The following TENM4 variants were observed in gnomAD, a reference collection of about 807,000 sequenced individuals.
TENM4 encodes the protein teneurin-4.
Under a neutral mutation model 243.3 loss-of-function variants are expected in TENM4, and 82 were observed. That is an observed-to-expected ratio of 0.34 (90% CI 0.28 to 0.40). The LOEUF is 0.40. Among genes scored for constraint, TENM4 ranks in the 10% least tolerant of loss-of-function variants. The probability of loss-of-function intolerance (pLI) is 1.00; values close to 1 mark genes in which losing one functional copy is unlikely to be tolerated. For missense variants in TENM4, 3,138 were observed against 3,673.3 expected (o/e 0.85, Z 3.77); for synonymous variants, 1,412 against 1,456.3 (o/e 0.97, Z 0.69).
rs1857273795 is a variant in TENM4, at chr11:79,343,375, T to C, written c.-320-45832A>G. On this transcript the variant is annotated intron_variant, in intron 1 of 33. Coordinates refer to ENST00000278550, the MANE Select transcript of TENM4 (RefSeq NM_001098816.3). ...GGCCTACGGTTTCACAAATGGAAAA[T>C]GTTAGAGCTGGGTCACACACAGAGG... is the stretch of plus-strand genomic sequence containing the variant. Among the ~76,000 whole-genome samples the C allele has an allele frequency of 2.0e-5, 3 of 152,270 alleles. No individual in the cohort carries two copies. In the South Asian group the frequency reaches 6.2e-4, roughly 32 times the overall value.
intron 14 of TENM4, among the ~76,000 whole-genome samples, chr11:78,809,058 C>G (rs964993927): frequency 6.6e-6 from 1 of 152,156 alleles, no homozygotes; most frequent in Non-Finnish European, 1.5e-5. Flanking sequence ...TCCCAGGGCA[C>G]CCTTGAGGTC....
chr11:79,366,059 T>A (rs1040359029), intron 1 of TENM4, among the ~76,000 whole-genome samples: 2 of 152,212 alleles, frequency 1.3e-5, no homozygotes, highest in African/African-American at 4.8e-5. Flanking sequence ...TCATGCTAGA[T>A]CCTTTAAATT....
At chr11:78,848,378 G>A (rs1858452800) in intron 12 of TENM4, among the ~76,000 whole-genome samples, 1 of 152,052 alleles carries the variant, frequency 6.6e-6, no homozygotes, top group Admixed American at 6.6e-5. Context: ...GCCCTTTAAG[G>A]CATCCTGGGC....
At chr11:78,864,524 A>T (rs1370699807) in intron 9 of TENM4, among the ~76,000 whole-genome samples, 1 of 151,816 alleles carries the variant, frequency 6.6e-6, no homozygotes, top group Non-Finnish European at 1.5e-5. Flanking sequence ...GAAAGAGACC[A>T]TAAGGCGCAA....
At chr11:79,267,416 GC>G (rs1179425894) in intron 2 of TENM4, among the ~76,000 whole-genome samples, 3 of 152,134 alleles carry the variant, frequency 2.0e-5, no homozygotes, top group African/African-American at 7.2e-5. Flanking sequence ...TCACTGTTCA[GC>G]CCATAGTTCT....
chr11:79,415,504 C>T (rs1858793978), intron 1 of TENM4, among the ~76,000 whole-genome samples: 1 of 152,152 alleles, frequency 6.6e-6, no homozygotes, highest in African/African-American at 2.4e-5. Context: ...CCTTCAAAGG[C>T]CCCAGGAATG....
chr11:78,911,840 C>T (rs1856192400), intron 6 of TENM4, among the ~76,000 whole-genome samples: 1 of 152,210 alleles, frequency 6.6e-6, no homozygotes, highest in Non-Finnish European at 1.5e-5. Context: ...AGAAATTACC[C>T]AGTCTGCTAG....
chr11:79,031,221 C>G (rs894131526), intron 6 of TENM4, among the ~76,000 whole-genome samples: 1 of 152,154 alleles, frequency 6.6e-6, no homozygotes, highest in East Asian at 1.9e-4. Flanking sequence ...TAGAGGAGCT[C>G]AGCAAAGGCT....
intron 9 of TENM4, among the ~76,000 whole-genome samples, chr11:78,883,689 C>T (rs902598541): frequency 2.0e-5 from 3 of 152,236 alleles, no homozygotes; most frequent in Non-Finnish European, 2.9e-5. Context: ...GCAGTGTCTG[C>T]GTTTTACATA....
intron 1 of TENM4, among the ~76,000 whole-genome samples, chr11:79,386,135 T>C (rs1295234158): frequency 6.6e-6 from 1 of 152,226 alleles, no homozygotes; most frequent in Non-Finnish European, 1.5e-5. Context: ...ACCTGATCTA[T>C]GGCAAAGGTG....
chr11:78,891,762 G>A (rs943220735), intron 7 of TENM4, among the ~76,000 whole-genome samples: 2 of 152,150 alleles, frequency 1.3e-5, no homozygotes, highest in Admixed American at 6.5e-5. Context: ...TTCAAAGCAG[G>A]AATTAGAGCT....
rs1028293278 is a variant in TENM4 at position 78,779,332 on chromosome 11, A to G, written c.2366-704T>C. ...GTGCAGGTCAATGGATGTCACTGTG[A>G]AAAACAAGACAAAGCAAAGAAAATC... On this transcript the variant is annotated intron_variant, in intron 16 of 33. Coordinates refer to ENST00000278550, the MANE Select transcript of TENM4 (RefSeq NM_001098816.3). Among the ~76,000 whole-genome samples, 5 of 152,352 alleles carry G rather than the reference A, an allele frequency of 3.3e-5. No homozygotes were observed. In the Middle Eastern group the frequency reaches 0.014, roughly 415 times the overall value.
intron 32 of TENM4, among the ~76,000 whole-genome samples, chr11:78,663,464 G>A (rs1436175547): frequency 1.3e-5 from 2 of 152,120 alleles, no homozygotes; most frequent in African/African-American, 2.4e-5. Flanking sequence ...GTGACCTCCC[G>A]AGGTAATGAG....
intron 1 of TENM4, among the ~76,000 whole-genome samples, chr11:79,412,512 C>A (rs1858722425): frequency 6.6e-6 from 1 of 152,220 alleles, no homozygotes; most frequent in Non-Finnish European, 1.5e-5. Context: ...CTCCAACTTA[C>A]TACCCATGTG....
chr11:78,819,291 G>A (rs1164026025), intron 12 of TENM4, among the ~76,000 whole-genome samples: 2 of 152,236 alleles, frequency 1.3e-5, no homozygotes, highest in African/African-American at 4.8e-5. Flanking sequence ...CAAGGTGAAA[G>A]ATGATCACAG....
At chr11:79,054,408 C>A (rs1417068355) in intron 6 of TENM4, among the ~76,000 whole-genome samples, 2 of 152,068 alleles carry the variant, frequency 1.3e-5, no homozygotes, top group African/African-American at 4.8e-5. Context: ...TTGACCAAGA[C>A]TTTTACATCA....
chr11:79,402,658 A>G (rs1055299717), intron 1 of TENM4, among the ~76,000 whole-genome samples: 25 of 151,798 alleles, frequency 1.6e-4, no homozygotes, highest in African/African-American at 5.3e-4. Context: ...CTCTTCCCCA[A>G]TTTTACTACA....
At chr11:79,358,925 C>G (rs1335218439) in intron 1 of TENM4, among the ~76,000 whole-genome samples, 1 of 149,528 alleles carries the variant, frequency 6.7e-6, no homozygotes, top group Non-Finnish European at 1.5e-5. Flanking sequence ...TATATTTTTG[C>G]AAACTTTTTT....
intron 2 of TENM4, among the ~76,000 whole-genome samples, chr11:79,227,173 C>T (rs1864285766): frequency 6.6e-6 from 1 of 152,184 alleles, no homozygotes; most frequent in Non-Finnish European, 1.5e-5. Context: ...GGCTTCAGGT[C>T]CTGACAGTCA....
Sources: gnomAD v4.1 joint callset for allele counts (sites outside exome capture counted in the v4.1 genomes callset) on GRCh38, gnomAD v4.1.1 for gene constraint, MANE v1.5 for transcripts, NCBI Gene and HGNC (gene_info 2026-07-23, HGNC 2026-07-21) for gene names.